GRM1: variants seen among roughly 807,000 people sequenced by gnomAD.
GRM1 encodes the protein metabotropic glutamate receptor 1.
A neutral mutation model predicts 90.9 loss-of-function variants in GRM1; 33 were observed. The ratio of observed to expected loss-of-function variants is 0.36; its 90% CI spans 0.28 to 0.49. The LOEUF (loss-of-function observed/expected upper bound fraction) is 0.49. Among genes scored for constraint, GRM1 ranks in the 20% least tolerant of loss-of-function variants. The probability of loss-of-function intolerance (pLI) is 0.99; values close to 1 mark genes in which losing one functional copy is unlikely to be tolerated. For synonymous variants in GRM1, 700 were observed against 613.2 expected (o/e 1.14, Z -2.09); for missense variants, 1,190 against 1,534.3 (o/e 0.78, Z 3.75).
intron 6 of GRM1, among the ~76,000 whole-genome samples, chr6:146,387,492 G>A (rs1387574118): frequency 2.0e-5 from 3 of 151,724 alleles, no homozygotes; most frequent in Non-Finnish European, 2.9e-5. Flanking sequence ...CTTTTATTTT[G>A]CTTAAAACCT....
chr6:146,163,734 C>T (rs74834741), intron 2 of GRM1, among the ~76,000 whole-genome samples: 1,912 of 152,292 alleles, frequency 0.013, 82 homozygotes, highest in East Asian at 0.098. Flanking sequence ...ATTTATTTCA[C>T]GGTTTAGAGT....
intron 2 of GRM1, among the ~76,000 whole-genome samples, chr6:146,236,889 A>G (rs1345956797): frequency 6.6e-6 from 1 of 152,104 alleles, no homozygotes; most frequent in African/African-American, 2.4e-5. Flanking sequence ...GGTGGCATCC[A>G]GTGAGGTTTG....
chr6:146,061,271 T>A (rs191015795), intron 1 of GRM1, among the ~76,000 whole-genome samples: 137 of 152,218 alleles, frequency 9.0e-4, no homozygotes, highest in African/African-American at 3.1e-3. Flanking sequence ...ATAACCCAAA[T>A]GTGACAGAGA....
intron 3 of GRM1, among the ~76,000 whole-genome samples, chr6:146,348,334 A>G (rs1199716094): frequency 6.6e-6 from 1 of 152,258 alleles, no homozygotes; most frequent in Non-Finnish European, 1.5e-5. Context: ...TTACAACATT[A>G]TCTAGACAGT....
At chr6:146,416,326 T>C (rs970861725) in intron 7 of GRM1, among the ~76,000 whole-genome samples, 10 of 152,138 alleles carry the variant, frequency 6.6e-5, no homozygotes, top group African/African-American at 2.4e-4. Flanking sequence ...TTTATCAAAA[T>C]AATAATCACT....
chr6:146,277,471 C>T (rs1484416620), intron 2 of GRM1, among the ~76,000 whole-genome samples: 1 of 152,200 alleles, frequency 6.6e-6, no homozygotes, highest in African/African-American at 2.4e-5. Flanking sequence ...GGGTTAGAGA[C>T]TGAGTAGCTG....
At chr6:146,209,570 G>A (rs1779611831) in intron 2 of GRM1, among the ~76,000 whole-genome samples, 1 of 152,200 alleles carries the variant, frequency 6.6e-6, no homozygotes, top group Non-Finnish European at 1.5e-5. Flanking sequence ...AAAAAATTAT[G>A]TATAGATTTG....
chr6:146,167,449 T>C (rs1329582422), intron 2 of GRM1, among the ~76,000 whole-genome samples: 2 of 152,132 alleles, frequency 1.3e-5, no homozygotes, highest in East Asian at 3.8e-4. Context: ...ACCTTGTCAA[T>C]TACTGTATAA....
intron 5 of GRM1, among the ~76,000 whole-genome samples, chr6:146,378,105 G>T (rs1310850574): frequency 6.6e-6 from 1 of 152,216 alleles, no homozygotes; most frequent in East Asian, 1.9e-4. Flanking sequence ...CTAGATTTCA[G>T]AGGATACATG....
intron 2 of GRM1, among the ~76,000 whole-genome samples, chr6:146,238,925 C>T (rs1780749579): frequency 6.6e-6 from 1 of 152,092 alleles, no homozygotes. Flanking sequence ...AATAAGTGCA[C>T]ATTGCATTAA....
intron 1 of GRM1, among the ~76,000 whole-genome samples, chr6:146,034,985 C>T (rs956268682): frequency 6.6e-6 from 1 of 151,866 alleles, no homozygotes; most frequent in Non-Finnish European, 1.5e-5. Context: ...ACAGTATAGA[C>T]ATTTATAAAC....
At chr6:146,204,399 A>G (rs528069311) in intron 2 of GRM1, among the ~76,000 whole-genome samples, 4 of 152,334 alleles carry the variant, frequency 2.6e-5, no homozygotes, top group Admixed American at 6.5e-5. Context: ...TTATTTTTCT[A>G]TGATTTTCTT....
At chr6:146,044,292 G>C (rs1222309292) in intron 1 of GRM1, among the ~76,000 whole-genome samples, 1 of 151,960 alleles carries the variant, frequency 6.6e-6, no homozygotes. Flanking sequence ...AGGCGAGTCT[G>C]TTTGTAAAGT....
intron 2 of GRM1, among the ~76,000 whole-genome samples, chr6:146,231,603 T>C (rs1336327080): frequency 6.6e-6 from 1 of 152,144 alleles, no homozygotes. Flanking sequence ...TCATATACTA[T>C]ATCAGGTTCA....
intron 1 of GRM1, among the ~76,000 whole-genome samples, chr6:146,090,414 C>T (rs1294127116): frequency 1.3e-5 from 2 of 152,112 alleles, no homozygotes; most frequent in Non-Finnish European, 2.9e-5. Flanking sequence ...TGTAACATAG[C>T]TGCTTCTGCA....
intron 2 of GRM1, among the ~76,000 whole-genome samples, chr6:146,255,011 G>T (rs958718802): frequency 6.6e-6 from 1 of 152,044 alleles, no homozygotes; most frequent in African/African-American, 2.4e-5. Context: ...AATAAAAACG[G>T]TATGAATAAA....
chr6:146,037,911 A>T, intron 1 of GRM1, among the ~76,000 whole-genome samples: 1 of 151,990 alleles, frequency 6.6e-6, no homozygotes, highest in African/African-American at 2.4e-5. Flanking sequence ...ATTTCTCTGG[A>T]AGGTCTGAAT....
chr6:146,123,220 G>A (rs1403733011), intron 1 of GRM1, among the ~76,000 whole-genome samples: 1 of 152,116 alleles, frequency 6.6e-6, no homozygotes, highest in East Asian at 1.9e-4. Flanking sequence ...CACATTGTTA[G>A]ATTTTCTGAA....
Position 146,332,289 on chromosome 6 carries a change from A to G in GRM1, c.1187-19961A>G, listed in dbSNP as rs560199532. Among the ~76,000 whole-genome samples, 4 of 152,314 alleles carry G rather than the reference A, an allele frequency of 2.6e-5. No homozygotes were observed. The East Asian group carries it at 7.7e-4, about 29-fold the overall frequency. ...AGAAGTCTCAGTAGAGCATGGCTCCATTGAGTCTTGTTTAGCATCTCATAA... is the reference window on the plus strand; with the variant it reads ...AGAAGTCTCAGTAGAGCATGGCTCCGTTGAGTCTTGTTTAGCATCTCATAA... On this transcript the variant is annotated intron_variant, in intron 3 of 7. Coordinates refer to ENST00000282753, the MANE Select transcript of GRM1 (RefSeq NM_001278064.2).
Sources: allele counts gnomAD v4.1 joint callset (sites outside exome capture counted in the v4.1 genomes callset), GRCh38; gene constraint gnomAD v4.1.1; transcripts MANE v1.5; gene names NCBI Gene and HGNC (gene_info 2026-07-23, HGNC 2026-07-21).